ARFGEF2: variants seen among roughly 807,000 people sequenced by gnomAD.
ARFGEF2 encodes ARF guanine nucleotide exchange factor 2, also known as brefeldin A-inhibited guanine nucleotide-exchange protein 2.
A neutral mutation model predicts 219.9 loss-of-function variants in ARFGEF2; 74 were observed. The observed-to-expected ratio is 0.34, with a 90% CI of 0.28 to 0.41. The LOEUF is 0.41. Ranked by LOEUF, ARFGEF2 falls within the 10% of genes least tolerant of loss-of-function variation. The pLI is 1.00. For synonymous variants in ARFGEF2, 733 were observed against 799.2 expected, an observed-to-expected ratio of 0.92 and a Z score of 1.40; for missense variants, 1,743 against 2,218.3, an observed-to-expected ratio of 0.79 and a Z score of 4.30.
At chr20:48,975,336 C>T (rs1349324660) in intron 13 of ARFGEF2, among the ~76,000 whole-genome samples, 1 of 152,198 alleles carries the variant, frequency 6.6e-6, no homozygotes, top group Non-Finnish European at 1.5e-5. Flanking sequence ...ACGTGAGCCA[C>T]TGTGCCTGGC....
chr20:49,010,509 T>C (rs1257673709), intron 27 of ARFGEF2, 105 bp downstream of exon 27: 1 of 1,285,672 alleles, frequency 7.8e-7, no homozygotes, highest in Non-Finnish European at 1.1e-6. Context: ...ACCTTGGCTC[T>C]ACTGTGATAT....
chr20:48,994,382 T>A, intron 21 of ARFGEF2, 69 bp from the exon 22 acceptor site: 1 of 1,600,078 alleles, frequency 6.2e-7, no homozygotes, highest in Non-Finnish European at 8.5e-7. Context: ...AATGACTAAC[T>A]TAAGATTACA....
At chr20:49,008,852 C>T (rs141615812) in intron 26 of ARFGEF2, among the ~76,000 whole-genome samples, 18 of 151,960 alleles carry the variant, frequency 1.2e-4, no homozygotes, top group African/African-American at 2.7e-4. Flanking sequence ...GAATCACAGG[C>T]GTGCATCACT....
intron 26 of ARFGEF2, among the ~76,000 whole-genome samples, chr20:49,009,491 G>C: frequency 6.6e-6 from 1 of 151,944 alleles, no homozygotes; most frequent in Non-Finnish European, 1.5e-5. Context: ...GTAGTCCCAA[G>C]GCCACTGTAC....
rs2091596068 is a variant in ARFGEF2 at position 49,025,414 on chromosome 20, G to A, written c.4857G>A (p.Gln1619=). 2.5e-6 allele frequency: 4 copies of A among 1,614,120 alleles called. No individual in the cohort carries two copies. Among genetic ancestry groups the A allele is most frequent in the Non-Finnish European group, 3.4e-6 (4 of 1,180,016 alleles). The part of the protein sequence containing the change: ...QHLFKLLDCL[Q]ESHSFSKAFN... ...TCTTCAAGCTGTTGGACTGTTTGCA[G>A]GAATCCCATTCATTCTCAAAGGCCT... is the stretch of plus-strand genomic sequence containing the variant. Residue 1619 remains glutamine (Q), a synonymous_variant, in exon 36 of 39, where the codon CAG becomes CAA. Transcript: ENST00000371917.
intron 22 of ARFGEF2, among the ~76,000 whole-genome samples, chr20:48,995,257 C>G (rs2091379236): frequency 6.6e-6 from 1 of 152,196 alleles, no homozygotes; most frequent in African/African-American, 2.4e-5. Context: ...AGGTAGGATT[C>G]AAGCCCTAAG....
chr20:48,946,477 T>TTA (rs35152962), intron 3 of ARFGEF2, among the ~76,000 whole-genome samples: 34,595 of 144,996 alleles, frequency 0.24, 4,531 homozygotes, highest in East Asian at 0.45. Flanking sequence ...CATATCAATT[T>TTA]TATATATATA....
intron 13 of ARFGEF2, among the ~76,000 whole-genome samples, chr20:48,975,667 G>A (rs1449214388): frequency 6.6e-6 from 1 of 151,960 alleles, no homozygotes; most frequent in Non-Finnish European, 1.5e-5. Context: ...CGGGTGTGGT[G>A]GCAGGCGCCT....
In ARFGEF2 at chr20:48,951,239, T is replaced by C; in HGVS notation, c.277-84T>C. 3 of 1,537,786 alleles carry C rather than the reference T, an allele frequency of 2.0e-6. No homozygotes were observed. The East Asian group carries it at 7.0e-5, about 36-fold the overall frequency. On this transcript the variant is annotated intron_variant, in intron 3 of 38. Transcript: ENST00000371917. ...GGACTCTGTAGGAACTGGAAGTGCC[T>C]GTCTTTTGCTCTTGTGGGCTGCCAC...
chr20:49,011,817 A>T, intron 27 of ARFGEF2, 107 bp from the exon 28 acceptor site: 1 of 1,277,538 alleles, frequency 7.8e-7, no homozygotes, highest in Non-Finnish European at 1.1e-6. Context: ...TTCACAGTTA[A>T]TTATCTCTGA....
rs1043786963 is a variant in ARFGEF2, at chr20:49,001,299, G to A, written c.3432+2794G>A. ...GGGTGATCTGCTCGCCTCAGCCTCC[G>A]AAAGTGTTGCGATTACAGGCATGAA... On this transcript the variant is annotated intron_variant, in intron 25 of 38. Transcript: ENST00000371917. 2.6e-5 allele frequency among the ~76,000 whole-genome samples: 4 copies of A among 152,024 alleles called. 1 individual carries two copies. The highest frequency in any genetic ancestry group is 5.9e-5 in the Non-Finnish European group (4 of 68,010).
intron 14 of ARFGEF2, among the ~76,000 whole-genome samples, chr20:48,982,391 C>T (rs778898309): frequency 6.6e-5 from 10 of 152,166 alleles, no homozygotes; most frequent in Non-Finnish European, 1.5e-4. Flanking sequence ...CCCAGAGGGG[C>T]ACCCGCCTGT....
chr20:48,993,495 A>G (rs1195216784), intron 21 of ARFGEF2, among the ~76,000 whole-genome samples: 1 of 152,248 alleles, frequency 6.6e-6, no homozygotes, highest in Non-Finnish European at 1.5e-5. Flanking sequence ...GATACTCGGC[A>G]GTGCTCAGTG....
At chr20:48,997,147 C>T (rs766551083) in intron 23 of ARFGEF2, among the ~76,000 whole-genome samples, 12 of 152,196 alleles carry the variant, frequency 7.9e-5, no homozygotes, top group Non-Finnish European at 1.8e-4. Context: ...CATATAATGT[C>T]GTGTCTTTTG....
chr20:48,954,287 T>G (rs995496948), intron 6 of ARFGEF2, among the ~76,000 whole-genome samples: 1 of 152,206 alleles, frequency 6.6e-6, no homozygotes, highest in African/African-American at 2.4e-5. Context: ...CTGGTGACCA[T>G]GTACATCACT....
intron 7 of ARFGEF2, among the ~76,000 whole-genome samples, chr20:48,964,166 T>C: frequency 6.6e-6 from 1 of 152,162 alleles, no homozygotes; most frequent in Non-Finnish European, 1.5e-5. Flanking sequence ...CCCAGCTCTT[T>C]GGGAGGCCAA....
intron 16 of ARFGEF2, 22 bp from the exon 17 acceptor site, chr20:48,988,282 T>G (rs1214156524): frequency 6.3e-7 from 1 of 1,580,730 alleles, no homozygotes; most frequent in East Asian, 2.2e-5. Context: ...TGAATATTGA[T>G]GTCTCGAATT....
In ARFGEF2 at chr20:48,984,685, G is replaced by C. The variant is rs752124630; in HGVS notation, c.1959-44G>C. 2.4e-5 allele frequency: 39 copies of C among 1,613,394 alleles called. 1 individual carries two copies. In the South Asian group the frequency reaches 4.2e-4, roughly 17 times the overall value. Reference sequence around the variant, plus strand: ...AAATACCAGCTTTTGCTATCCTCCAGATTTTGAAATAAGCAACTTGTGTCC... The same window carrying C: ...AAATACCAGCTTTTGCTATCCTCCACATTTTGAAATAAGCAACTTGTGTCC... On this transcript the variant is annotated intron_variant, in intron 14 of 38. Coordinates refer to ENST00000371917, the MANE Select transcript of ARFGEF2 (RefSeq NM_006420.3).
At chr20:49,007,503 G>A (rs2091469405) in intron 26 of ARFGEF2, among the ~76,000 whole-genome samples, 1 of 151,402 alleles carries the variant, frequency 6.6e-6, no homozygotes, top group African/African-American at 2.4e-5. Flanking sequence ...TGGTCAGGCT[G>A]GTCTCAAACC....
Sources: gnomAD v4.1 joint callset for allele counts (sites outside exome capture counted in the v4.1 genomes callset) on GRCh38, gnomAD v4.1.1 for gene constraint, MANE v1.5 for transcripts, NCBI Gene and HGNC (gene_info 2026-07-23, HGNC 2026-07-21) for gene names.